Variants in DACH2 observed in about 807,000 individuals in gnomAD.
DACH2 encodes the protein dachshund homolog 2.
DACH2 carries 17 observed loss-of-function variants against 35.8 expected under a neutral mutation model. The ratio of observed to expected loss-of-function variants is 0.48; its 90% CI spans 0.33 to 0.71. DACH2 has a LOEUF of 0.71. DACH2 is among the 30% of genes least tolerant of loss of function. The pLI is 0.02. For synonymous variants in DACH2, 195 were observed against 177.3 expected, an observed-to-expected ratio of 1.10 and a Z score of -0.79; for missense variants, 469 against 472.7, an observed-to-expected ratio of 0.99 and a Z score of 0.07.
chrX:86,547,758 G>A (rs2038996136), intron 3 of DACH2, among the ~76,000 whole-genome samples: 1 of 111,788 alleles, frequency 8.9e-6, no homozygotes, highest in African/African-American at 3.3e-5. Context: ...ATGTAAAATG[G>A]CTAGCTCCAT....
At chrX:86,720,642 G>A (rs962441993) in intron 6 of DACH2, among the ~76,000 whole-genome samples, 2 of 112,206 alleles carry the variant, frequency 1.8e-5, no homozygotes, top group Non-Finnish European at 3.8e-5. Context: ...ATGGTGTTGA[G>A]TGTCTGTGGC....
intron 4 of DACH2, among the ~76,000 whole-genome samples, chrX:86,691,665 C>T (rs1253738098): frequency 9.0e-6 from 1 of 111,168 alleles, no homozygotes; most frequent in Non-Finnish European, 1.9e-5. Flanking sequence ...AAAACACAGT[C>T]ATCTGCAAAC....
intron 3 of DACH2, among the ~76,000 whole-genome samples, chrX:86,557,355 T>A (rs2039146734): frequency 1.8e-5 from 2 of 111,008 alleles, no homozygotes; most frequent in South Asian, 7.7e-4. Context: ...TTTTAAAAAA[T>A]CTTTTGAAGT....
In DACH2 at chrX:86,728,577, C is replaced by T. The variant is rs770237996; in HGVS notation, c.1105-11170C>T. Among the ~76,000 whole-genome samples, 3 of 112,715 alleles carry T rather than the reference C, an allele frequency of 2.7e-5. No homozygotes were observed. In the South Asian group the frequency reaches 1.1e-3, roughly 41 times the overall value. ...TATTTCATAGAACTTCATGCAGCCC[C>T]TCCCATCACAAGCCTAGAGGCCTAG... is the stretch of plus-strand genomic sequence containing the variant. On this transcript the variant is annotated intron_variant, in intron 6 of 11. Coordinates refer to ENST00000373125, the MANE Select transcript of DACH2 (RefSeq NM_053281.3).
chrX:86,595,448 T>C (rs1214083945), intron 3 of DACH2, among the ~76,000 whole-genome samples: 1 of 111,227 alleles, frequency 9.0e-6, no homozygotes, highest in African/African-American at 3.3e-5. Flanking sequence ...AGTGCTAGCA[T>C]GATATATAAT....
chrX:86,425,710 T>C (rs1320127779), intron 2 of DACH2, among the ~76,000 whole-genome samples: 1 of 110,871 alleles, frequency 9.0e-6, no homozygotes, highest in Non-Finnish European at 1.9e-5. Context: ...TATTTAAGGG[T>C]GTAGGGCAAA....
intron 2 of DACH2, among the ~76,000 whole-genome samples, chrX:86,425,534 T>A (rs2036878906): frequency 9.0e-6 from 1 of 111,451 alleles, no homozygotes; most frequent in South Asian, 3.7e-4. Flanking sequence ...TGTCTCCTTT[T>A]TGATTTCTGA....
chrX:86,675,346 T>C lies in DACH2; in HGVS notation c.773-19675T>C, dbSNP rs759849970. On this transcript the variant is annotated intron_variant, in intron 4 of 11. Coordinates refer to ENST00000373125, the MANE Select transcript of DACH2 (RefSeq NM_053281.3). ...ATCATTTGAGAGGTTGGAAAATTAC[T>C]AGTATTCTATGATTCTATCCATTTA... 1.4e-4 allele frequency among the ~76,000 whole-genome samples: 16 copies of C among 111,668 alleles called. No individual in the cohort carries two copies. The South Asian group carries it at 6.0e-3, about 42-fold the overall frequency.
intron 1 of DACH2, among the ~76,000 whole-genome samples, chrX:86,348,688 G>T (rs962846351): frequency 8.9e-6 from 1 of 112,203 alleles, no homozygotes; most frequent in Non-Finnish European, 1.9e-5. Context: ...CATTTCCTTG[G>T]TAAGGTGGAC....
intron 2 of DACH2, among the ~76,000 whole-genome samples, chrX:86,416,557 A>G (rs894092974): frequency 4.5e-5 from 5 of 111,890 alleles, no homozygotes; most frequent in Admixed American, 9.5e-5. Flanking sequence ...ATGTCTGTTC[A>G]TCAGCAAGAT....
At chrX:86,583,449 A>G (rs1196466301) in intron 3 of DACH2, among the ~76,000 whole-genome samples, 1 of 111,305 alleles carries the variant, frequency 9.0e-6, no homozygotes, top group Non-Finnish European at 1.9e-5. Context: ...ATGATTCTAT[A>G]CCTAGAAAAT....
At chrX:86,600,140 G>T (rs775804137) in intron 3 of DACH2, among the ~76,000 whole-genome samples, 2 of 112,196 alleles carry the variant, frequency 1.8e-5, no homozygotes, top group East Asian at 5.7e-4. Context: ...GCTGAGTGGA[G>T]GTAGAGAGAA....
intron 1 of DACH2, among the ~76,000 whole-genome samples, chrX:86,342,558 C>G (rs7889076): frequency 0.22 from 23,372 of 107,904 alleles, 3,313 homozygotes; most frequent in African/African-American, 0.51. Flanking sequence ...TGTAATCCCA[C>G]TACTTTGGGA....
intron 5 of DACH2, among the ~76,000 whole-genome samples, chrX:86,706,292 G>T (rs769664583): frequency 9.0e-6 from 1 of 111,213 alleles, no homozygotes; most frequent in African/African-American, 3.3e-5. Context: ...GAATGTATTG[G>T]ATGATTATAC....
In DACH2 at chrX:86,698,521, GTTTTTTTTTT is replaced by G. The variant is rs767152609; in HGVS notation, c.931+3360_931+3369del. ...CTTCTTTTTGTTTTGTTAGTTTTGT[GTTTTTTTTTT>G]TTTTTTTTTTTTTTTTTACAGGGTC... On this transcript the variant is annotated intron_variant, in intron 5 of 11. Coordinates refer to ENST00000373125, the MANE Select transcript of DACH2 (RefSeq NM_053281.3). Among the ~76,000 whole-genome samples, 4 of 32,955 alleles carry G rather than the reference GTTTTTTTTTT, an allele frequency of 1.2e-4. No homozygotes were observed. The South Asian group carries it at 7.6e-3, about 63-fold the overall frequency. The allele number at this position is 32,955 out of a possible 115,157, so 28.6% of individuals were successfully genotyped here.
intron 1 of DACH2, among the ~76,000 whole-genome samples, chrX:86,268,467 A>C (rs1214331340): frequency 9.2e-6 from 1 of 108,704 alleles, no homozygotes; most frequent in Non-Finnish European, 1.9e-5. Flanking sequence ...TCTTTTCAAA[A>C]ATTTTTTTCA....
intron 2 of DACH2, among the ~76,000 whole-genome samples, chrX:86,404,546 G>C (rs1310127479): frequency 8.9e-6 from 1 of 112,328 alleles, no homozygotes; most frequent in Non-Finnish European, 1.9e-5. Context: ...GCAAGAGGTG[G>C]GCTCCCATGG....
chrX:86,404,179 C>T (rs990523357), intron 2 of DACH2, among the ~76,000 whole-genome samples: 2 of 110,535 alleles, frequency 1.8e-5, no homozygotes, highest in Non-Finnish European at 3.8e-5. Context: ...CTGGCCCCTC[C>T]CAAATCTCAT....
chrX:86,785,910 A>G (rs2042132239), intron 7 of DACH2, among the ~76,000 whole-genome samples: 1 of 111,636 alleles, frequency 9.0e-6, no homozygotes, highest in Admixed American at 9.5e-5. Context: ...ACCTAAGATA[A>G]CTAGCTCTCA....
Sources: allele counts gnomAD v4.1 joint callset (sites outside exome capture counted in the v4.1 genomes callset), GRCh38; gene constraint gnomAD v4.1.1; transcripts MANE v1.5; gene names NCBI Gene and HGNC (gene_info 2026-07-23, HGNC 2026-07-21).